The following NOL10 variants were observed in gnomAD, a reference collection of about 807,000 sequenced individuals.
NOL10 encodes H_NH0074G24.1.
A neutral mutation model predicts 103.5 loss-of-function variants in NOL10; 58 were observed. The ratio of observed to expected loss-of-function variants is 0.56; its 90% confidence interval spans 0.45 to 0.70. The LOEUF (loss-of-function observed/expected upper bound fraction) is 0.70. NOL10 is among the 30% of genes least tolerant of loss of function. The pLI, the probability that NOL10 is intolerant of heterozygous loss-of-function variation, is 0.00. For missense variants in NOL10, 763 were observed against 807.3 expected (o/e 0.95, Z 0.67); for synonymous variants, 287 against 282.5 (o/e 1.02, Z -0.16).
chr2:10,572,011 CGAT>C lies in NOL10; in HGVS notation c.*57_*59del, dbSNP rs1379539395. On this transcript the variant is annotated 3_prime_UTR_variant, in exon 21 of 21. Coordinates refer to ENST00000381685, the MANE Select transcript of NOL10 (RefSeq NM_024894.4). ...TCCTCGTCTGTGTTTAACACCCTAA[CGAT>C]GATCAGTTTGGGGGAGACGTACCCC... 3.1e-6 allele frequency: 5 copies of C among 1,591,948 alleles called. No homozygotes were observed. The highest frequency in any genetic ancestry group is 1.7e-5 in the Admixed American group (1 of 59,360).
At chr2:10,682,746 C>CT (rs1427506411) in intron 2 of NOL10, among the ~76,000 whole-genome samples, 2 of 151,832 alleles carry the variant, frequency 1.3e-5, no homozygotes, top group Admixed American at 6.6e-5. Context: ...AAAAATCCAA[C>CT]TTTTTTTTCT....
chr2:10,644,354 T>C lies in NOL10; in HGVS notation c.992A>G (p.Asn331Ser), dbSNP rs538823887. 5.5e-5 allele frequency: 84 copies of C among 1,540,890 alleles called. No homozygotes were observed. Among genetic ancestry groups the C allele is most frequent in the Admixed American group, 1.0e-4 (5 of 48,134 alleles). ...ATAGATGCCCATCTTGGGGGTTTCA[T>C]TGGCCGTCAGAAGCATGCCTAAAAA... ...YPNSGMLLTA[N>S]ETPKMGIYYI... The change falls in exon 13 of 21, where the codon AAT (asparagine) becomes AGT (serine). Residue 331 changes from asparagine to serine, a missense_variant. Coordinates refer to ENST00000381685, the MANE Select transcript of NOL10 (RefSeq NM_024894.4).
At chr2:10,685,278 T>C (rs1682072205) in intron 1 of NOL10, among the ~76,000 whole-genome samples, 1 of 152,116 alleles carries the variant, frequency 6.6e-6, no homozygotes, top group East Asian at 1.9e-4. Context: ...CCCAGCATTT[T>C]GGGAGGCCGA....
intron 13 of NOL10, among the ~76,000 whole-genome samples, chr2:10,636,975 G>A (rs1387029830): frequency 6.6e-6 from 1 of 152,074 alleles, no homozygotes; most frequent in Non-Finnish European, 1.5e-5. Context: ...GCCCAGATGG[G>A]TGGATCACTT....
intron 13 of NOL10, among the ~76,000 whole-genome samples, chr2:10,614,382 G>C (rs1357390029): frequency 6.6e-6 from 1 of 152,158 alleles, no homozygotes; most frequent in Non-Finnish European, 1.5e-5. Context: ...TATGACCATA[G>C]CTCACTGCAG....
At chr2:10,576,437 T>G (rs991149135) in intron 20 of NOL10, among the ~76,000 whole-genome samples, 1 of 152,232 alleles carries the variant, frequency 6.6e-6, no homozygotes, top group African/African-American at 2.4e-5. Context: ...TATTAATCGC[T>G]TACCCCAAAA....
At chr2:10,646,675 G>A (rs1453911505) in intron 12 of NOL10, among the ~76,000 whole-genome samples, 2 of 152,228 alleles carry the variant, frequency 1.3e-5, no homozygotes, top group South Asian at 2.1e-4. Flanking sequence ...AGAAGAGCAT[G>A]AGCATCGCGC....
intron 1 of NOL10, among the ~76,000 whole-genome samples, chr2:10,687,696 T>C (rs1682313336): frequency 6.6e-6 from 1 of 152,180 alleles, no homozygotes; most frequent in African/African-American, 2.4e-5. Context: ...CAGTGGCTCA[T>C]GCCTGTAATC....
intron 13 of NOL10, among the ~76,000 whole-genome samples, chr2:10,627,683 C>A (rs552658909): frequency 2.5e-4 from 35 of 138,794 alleles, no homozygotes; most frequent in East Asian, 4.9e-4. Flanking sequence ...TCAAAAAAAA[C>A]AAACAAACAA....
chr2:10,591,542 T>C (rs535784590), intron 17 of NOL10, among the ~76,000 whole-genome samples: 1 of 152,268 alleles, frequency 6.6e-6, no homozygotes, highest in East Asian at 1.9e-4. Flanking sequence ...GTAAAGGATT[T>C]TAAATACCAT....
intron 1 of NOL10, among the ~76,000 whole-genome samples, chr2:10,689,452 G>C (rs58886768): frequency 0.017 from 2,582 of 152,314 alleles, 91 homozygotes; most frequent in African/African-American, 0.059. Flanking sequence ...ATGTGTCAAC[G>C]AATCTGCCAC....
In NOL10 at chr2:10,571,791, C is replaced by T. The variant is rs200941743; in HGVS notation, c.*280G>A. The T allele has an allele frequency of 7.6e-6, 2 of 263,104 alleles. No individual in the cohort carries two copies. Among genetic ancestry groups the T allele is most frequent in the Non-Finnish European group, 1.3e-5 (2 of 151,046 alleles). 16.3% of individuals were successfully genotyped at this position (263,104 alleles called of 1,614,324 possible). A position where few individuals can be genotyped will look rare whatever the true frequency, so the allele number is the denominator to read the frequency against. ...TGTACATTTCACAATATTAAAAAAA[C>T]CCCAGCCTGGTTTTCATGATTAACG... On this transcript the variant is annotated 3_prime_UTR_variant, in exon 21 of 21. Transcript: ENST00000381685.
chr2:10,585,371 C>T (rs763789852), intron 19 of NOL10, among the ~76,000 whole-genome samples: 1 of 152,234 alleles, frequency 6.6e-6, no homozygotes, highest in African/African-American at 2.4e-5. Flanking sequence ...AGCCTGTGGA[C>T]AAGTTTGCCG....
At chr2:10,663,334 A>G (rs1165882086) in intron 8 of NOL10, among the ~76,000 whole-genome samples, 1 of 148,834 alleles carries the variant, frequency 6.7e-6, no homozygotes, top group African/African-American at 2.5e-5. Flanking sequence ...GCCACTGCAC[A>G]CCAGTCTGAG....
Position 10,657,722 on chromosome 2 carries a change from T to C in NOL10, c.906+20A>G, listed in dbSNP as rs565503814. 3.2e-6 allele frequency: 5 copies of C among 1,543,280 alleles called. No individual in the cohort carries two copies. The highest frequency in any genetic ancestry group is 2.0e-5 in the Admixed American group (1 of 49,896). ...CACCTGCAAATAAAGAAGCAAGTAA[T>C]TTCAACCAAAAATACATACGGAGTT... On this transcript the variant is annotated intron_variant, in intron 11 of 20. Coordinates refer to ENST00000381685, the MANE Select transcript of NOL10 (RefSeq NM_024894.4).
chr2:10,667,346 A>C (rs1680629658), intron 7 of NOL10, 68 bp from the exon 8 acceptor site: 2 of 1,146,600 alleles, frequency 1.7e-6, no homozygotes, highest in Non-Finnish European at 1.3e-6. Flanking sequence ...AGGAATATTA[A>C]ATAAATAAAC....
At chr2:10,606,148 G>A (rs916521312) in intron 14 of NOL10, among the ~76,000 whole-genome samples, 1 of 152,034 alleles carries the variant, frequency 6.6e-6, no homozygotes, top group Non-Finnish European at 1.5e-5. Context: ...GATGGCTGGG[G>A]AAAGGGCACG....
intron 13 of NOL10, among the ~76,000 whole-genome samples, chr2:10,642,495 T>C (rs1363577485): frequency 6.6e-6 from 1 of 152,104 alleles, no homozygotes; most frequent in Non-Finnish European, 1.5e-5. Context: ...CTTACAACTC[T>C]TGTCAGGACT....
intron 13 of NOL10, among the ~76,000 whole-genome samples, chr2:10,627,677 A>C (rs1336231578): frequency 6.7e-6 from 1 of 148,944 alleles, no homozygotes; most frequent in Non-Finnish European, 1.5e-5. Context: ...TCCGTCTCAA[A>C]AAAAACAAAC....
Sources: allele counts gnomAD v4.1 joint callset (sites outside exome capture counted in the v4.1 genomes callset), GRCh38; gene constraint gnomAD v4.1.1; transcripts MANE v1.5; gene names NCBI Gene and HGNC (gene_info 2026-07-23, HGNC 2026-07-21).